The following NALF1 variants were observed in gnomAD, a reference collection of about 807,000 sequenced individuals.
NALF1 encodes NALCN channel auxiliary factor 1.
In NALF1, 3 loss-of-function variants were observed where a neutral mutation model predicts 48.4. The observed-to-expected ratio is 0.06, with a 90% CI of 0.03 to 0.16. The LOEUF (loss-of-function observed/expected upper bound fraction) is 0.16, where lower values mean the gene tolerates loss of function less well. Among genes scored for constraint, NALF1 ranks in the 10% least tolerant of loss-of-function variants. The pLI, the probability that NALF1 is intolerant of heterozygous loss-of-function variation, is 1.00. For missense variants in NALF1, 526 were observed against 571.5 expected (o/e 0.92, Z 0.81); for synonymous variants, 262 against 245.7 (o/e 1.07, Z -0.62).
At chr13:107,545,195 C>T (rs911325580) in intron 1 of NALF1, among the ~76,000 whole-genome samples, 5 of 152,154 alleles carry the variant, frequency 3.3e-5, no homozygotes, top group African/African-American at 1.2e-4. Flanking sequence ...AACATAAAGA[C>T]AGATACATGC....
chr13:107,292,595 A>T (rs560227272), intron 1 of NALF1, among the ~76,000 whole-genome samples: 1 of 152,102 alleles, frequency 6.6e-6, no homozygotes, highest in Admixed American at 6.5e-5. Context: ...TTCCACCTCC[A>T]CTTCTTGTTC....
chr13:107,637,167 C>T (rs1052414130), intron 1 of NALF1, among the ~76,000 whole-genome samples: 31 of 151,830 alleles, frequency 2.0e-4, no homozygotes, highest in African/African-American at 7.3e-4. Context: ...GCTGGCATGA[C>T]AAAATCAGCT....
chr13:107,866,347 G>GCTGCTT lies in NALF1; in HGVS notation c.249_250insAAGCAG (p.Gln83_Gln84insLysGln). ...TGCTGCTGCCGCTGCCTCTGCTGCT[G>GCTGCTT]CTGCTGCTGCTGCTGCTGCCGCTGC... On this transcript the variant is annotated inframe_insertion, in exon 1 of 3. Coordinates refer to ENST00000375915, the MANE Select transcript of NALF1 (RefSeq NM_001080396.3). The surrounding 1 kb of genome is among the most constrained non-coding windows in gnomAD (Gnocchi z 4.4). 6.2e-7 allele frequency: 1 copy of GCTGCTT among 1,607,112 alleles called. No individual in the cohort carries two copies. Among genetic ancestry groups the GCTGCTT allele is most frequent in the Non-Finnish European group, 8.5e-7 (1 of 1,177,156 alleles).
At chr13:107,755,340 C>G (rs376112409) in intron 1 of NALF1, among the ~76,000 whole-genome samples, 10 of 152,040 alleles carry the variant, frequency 6.6e-5, no homozygotes, top group East Asian at 5.8e-4. Context: ...ATTTCTTCTT[C>G]AGGCCTCTTA....
At chr13:107,755,640 T>C (rs1361323788) in intron 1 of NALF1, among the ~76,000 whole-genome samples, 2 of 151,728 alleles carry the variant, frequency 1.3e-5, no homozygotes, top group South Asian at 4.2e-4. Flanking sequence ...AATGAACATA[T>C]GTTGATAGAC....
In NALF1 at chr13:107,299,540, C is replaced by T. The variant is rs982767568; in HGVS notation, c.916-88785G>A. Among the ~76,000 whole-genome samples, 7 of 150,792 alleles carry T rather than the reference C, an allele frequency of 4.6e-5. No homozygotes were observed. The East Asian group carries it at 1.4e-3, about 29-fold the overall frequency. On this transcript the variant is annotated intron_variant, in intron 1 of 2. Transcript: ENST00000375915. ...CACTAACATCCTATTTTTCCTTAAA[C>T]TTTCGCTGGCTGATTTTCCAATTGA... is the stretch of plus-strand genomic sequence containing the variant.
intron 1 of NALF1, among the ~76,000 whole-genome samples, chr13:107,762,351 G>A (rs1424661179): frequency 6.6e-6 from 1 of 152,052 alleles, no homozygotes; most frequent in East Asian, 1.9e-4. Flanking sequence ...TTTTAAGTCT[G>A]TATCTGAAAG....
intron 1 of NALF1, among the ~76,000 whole-genome samples, chr13:107,818,810 T>C (rs1594290573): frequency 7.9e-6 from 1 of 127,380 alleles, no homozygotes; most frequent in African/African-American, 3.4e-5. Flanking sequence ...AGGCGGAGCT[T>C]GCAGTGAGCC....
At chr13:107,751,028 A>T (rs999948899) in intron 1 of NALF1, among the ~76,000 whole-genome samples, 3 of 152,234 alleles carry the variant, frequency 2.0e-5, no homozygotes, top group Non-Finnish European at 4.4e-5. Context: ...AAATTGATTA[A>T]TCTCTTTCAA....
chr13:107,782,406 C>T (rs921215935), intron 1 of NALF1, among the ~76,000 whole-genome samples: 1 of 152,150 alleles, frequency 6.6e-6, no homozygotes, highest in East Asian at 1.9e-4. Context: ...CTCGCTACAA[C>T]CTCCACCTCC....
At chr13:107,201,624 T>C (rs527273660) in intron 2 of NALF1, among the ~76,000 whole-genome samples, 1 of 152,212 alleles carries the variant, frequency 6.6e-6, no homozygotes, top group Admixed American at 6.5e-5. Context: ...ATGAGAAGAA[T>C]TTACTATGCA....
chr13:107,770,985 G>T (rs1877561025), intron 1 of NALF1, among the ~76,000 whole-genome samples: 1 of 152,144 alleles, frequency 6.6e-6, no homozygotes, highest in Admixed American at 6.6e-5. Context: ...GAATGAGGGA[G>T]CCTGGGTGTA....
At chr13:107,205,142 G>A (rs1033858485) in intron 2 of NALF1, among the ~76,000 whole-genome samples, 2 of 151,826 alleles carry the variant, frequency 1.3e-5, no homozygotes, top group South Asian at 2.1e-4. Context: ...ATCTCCCAAT[G>A]CTATCCCTCC....
Position 107,263,656 on chromosome 13 carries a change from G to A in NALF1, c.916-52901C>T, listed in dbSNP as rs72666529. On this transcript the variant is annotated intron_variant, in intron 1 of 2. Coordinates refer to ENST00000375915, the MANE Select transcript of NALF1 (RefSeq NM_001080396.3). ...TCATTCTCTCTTTGCCCGCCACCGT[G>A]TAAGACGTGCCTTTTACCTTCCACC... Among the ~76,000 whole-genome samples the A allele has an allele frequency of 4.5e-3, 682 of 152,254 alleles. 7 individuals are homozygous for A. The highest frequency in any genetic ancestry group is 0.01 in the Middle Eastern group (3 of 294).
chr13:107,260,741 T>C (rs1880913386), intron 1 of NALF1, among the ~76,000 whole-genome samples: 1 of 152,228 alleles, frequency 6.6e-6, no homozygotes, highest in African/African-American at 2.4e-5. Context: ...TTTCTGAAAT[T>C]ACACATGCTA....
chr13:107,434,106 C>T (rs1440252100), intron 1 of NALF1, among the ~76,000 whole-genome samples: 1 of 152,176 alleles, frequency 6.6e-6, no homozygotes, highest in African/African-American at 2.4e-5. Context: ...TGACTAAGGG[C>T]ATAGCCAATT....
At chr13:107,558,646 A>C (rs1433691847) in intron 1 of NALF1, among the ~76,000 whole-genome samples, 1 of 152,116 alleles carries the variant, frequency 6.6e-6, no homozygotes, top group East Asian at 1.9e-4. Context: ...GGTGGTAGTA[A>C]ATTTTATGTG....
In NALF1 at chr13:107,843,905, A is replaced by G. The variant is rs543266478; in HGVS notation, c.915+21777T>C. On this transcript the variant is annotated intron_variant, in intron 1 of 2. Transcript: ENST00000375915. ...TAAAAAATTATATTGTGTAACATAGACGTTGCCCCTAATAGCAAATGCTAT... is the reference window on the plus strand; with the variant it reads ...TAAAAAATTATATTGTGTAACATAGGCGTTGCCCCTAATAGCAAATGCTAT... 1.2e-4 allele frequency among the ~76,000 whole-genome samples: 19 copies of G among 152,322 alleles called. No homozygotes were observed. In the South Asian group the frequency reaches 3.9e-3, roughly 32 times the overall value.
intron 2 of NALF1, among the ~76,000 whole-genome samples, chr13:107,174,432 T>C (rs1393962966): frequency 6.6e-6 from 1 of 151,748 alleles, no homozygotes. Context: ...CTCAGCTCAC[T>C]GCAAGCTCTG....
Sources: gnomAD v4.1 joint callset for allele counts (sites outside exome capture counted in the v4.1 genomes callset) on GRCh38, gnomAD v4.1.1 for gene constraint, Gnocchi (gnomAD v3.1) non-coding constraint, MANE v1.5 for transcripts, NCBI Gene and HGNC (gene_info 2026-07-23, HGNC 2026-07-21) for gene names.